Variants in UNC5A observed in about 807,000 individuals in gnomAD.
The protein encoded by UNC5A is unc-5 netrin receptor A.
UNC5A carries 20 observed loss-of-function variants against 87.4 expected under a neutral mutation model. The observed-to-expected ratio is 0.23, with a 90% confidence interval of 0.16 to 0.33. The LOEUF (loss-of-function observed/expected upper bound fraction) is 0.33. Among genes scored for constraint, UNC5A ranks in the 10% least tolerant of loss-of-function variants. UNC5A has a pLI of 1.00. For synonymous variants in UNC5A, 438 were observed against 482.3 expected (o/e 0.91, Z 1.20); for missense variants, 844 against 1,133.4 (o/e 0.74, Z 3.67).
rs905264267 is a variant in UNC5A, at chr5:176,844,488, G to A, written c.71-18136G>A. On this transcript the variant is annotated intron_variant, in intron 1 of 14. Coordinates refer to ENST00000329542, the MANE Select transcript of UNC5A (RefSeq NM_133369.3). The surrounding 1 kb of genome is among the most constrained non-coding windows in gnomAD (Gnocchi z 4.2). ...GGACACGGGATGATATGAGCTGGCCGTGGGCGCCCACTGCATACAGCAGGT... is the reference window on the plus strand; with the variant it reads ...GGACACGGGATGATATGAGCTGGCCATGGGCGCCCACTGCATACAGCAGGT... Among the ~76,000 whole-genome samples, 10 of 152,312 alleles carry A rather than the reference G, an allele frequency of 6.6e-5. No homozygotes were observed. Among genetic ancestry groups the A allele is most frequent in the Admixed American group, 2.0e-4 (3 of 15,306 alleles).
At chr5:176,812,117 G>T (rs1237310914) in intron 1 of UNC5A, among the ~76,000 whole-genome samples, 1 of 151,920 alleles carries the variant, frequency 6.6e-6, no homozygotes, top group African/African-American at 2.4e-5. Flanking sequence ...TTCTTCCCCA[G>T]GGCCTCTCCT....
chr5:176,860,568 G>A (rs1402231112), intron 1 of UNC5A, among the ~76,000 whole-genome samples: 1 of 152,176 alleles, frequency 6.6e-6, no homozygotes, highest in Non-Finnish European at 1.5e-5. Flanking sequence ...TACACTTGAT[G>A]AGCCCAGTGT....
chr5:176,835,728 G>GGTGTGTGTGTGT (rs1444755132), intron 1 of UNC5A, among the ~76,000 whole-genome samples: 31 of 63,588 alleles, frequency 4.9e-4, no homozygotes, highest in African/African-American at 1.4e-3. Context: ...TTTGATAAAG[G>GGTGTGTGTGTGT]ATGTGTGTGT....
chr5:176,825,934 A>G (rs1192705882), intron 1 of UNC5A, among the ~76,000 whole-genome samples: 1 of 152,210 alleles, frequency 6.6e-6, no homozygotes, highest in Non-Finnish European at 1.5e-5. Context: ...AGGGAGCTGG[A>G]AGCAGGGGCA....
intron 6 of UNC5A, among the ~76,000 whole-genome samples, chr5:176,871,839 CA>C (rs1343482584): frequency 2.5e-4 from 12 of 48,204 alleles, no homozygotes; most frequent in Non-Finnish European, 4.0e-4. Flanking sequence ...ACACTCGCCC[CA>C]ACACCACAGC....
chr5:176,834,657 G>A (rs1049815889), intron 1 of UNC5A, among the ~76,000 whole-genome samples: 12 of 93,078 alleles, frequency 1.3e-4, no homozygotes, highest in Middle Eastern at 8.5e-3. Flanking sequence ...AGGTTCCCAC[G>A]TCCCGTCTTC....
At chr5:176,870,264 C>T (rs1356365327) in intron 5 of UNC5A, 106 bp from the exon 6 acceptor site, 5 of 1,419,202 alleles carry the variant, frequency 3.5e-6, no homozygotes, top group Non-Finnish European at 4.8e-6. Context: ...ATCCAGGCTG[C>T]CTTGCACTGC....
intron 1 of UNC5A, among the ~76,000 whole-genome samples, chr5:176,816,710 G>A (rs923859605): frequency 3.3e-5 from 5 of 152,256 alleles, no homozygotes; most frequent in African/African-American, 1.2e-4. Context: ...CTAGGATTTT[G>A]TGCAGATTAG....
chr5:176,872,745 C>G (rs1412716102), intron 6 of UNC5A, among the ~76,000 whole-genome samples: 1 of 119,236 alleles, frequency 8.4e-6, no homozygotes, highest in Non-Finnish European at 1.8e-5. Context: ...TCACATCTGC[C>G]CACACTCACC....
intron 1 of UNC5A, among the ~76,000 whole-genome samples, chr5:176,839,829 T>TG (rs1757231922): frequency 1.4e-5 from 2 of 144,368 alleles, no homozygotes; most frequent in South Asian, 4.5e-4. Flanking sequence ...TTTTTTTTTT[T>TG]TTTTCTTGAC....
intron 1 of UNC5A, among the ~76,000 whole-genome samples, chr5:176,830,613 T>C (rs1387389121): frequency 4.3e-5 from 6 of 140,644 alleles, no homozygotes; most frequent in African/African-American, 1.3e-4. Context: ...GGTGTGTGTG[T>C]GCGCTGGCGT....
Position 176,810,784 on chromosome 5 carries a change from C to T in UNC5A, c.34C>T (p.Leu12=). 1 of 1,214,284 alleles carries T rather than the reference C, an allele frequency of 8.2e-7. No homozygotes were observed. The highest frequency in any genetic ancestry group is 1.0e-6 in the Non-Finnish European group (1 of 977,054). 75.2% of individuals were successfully genotyped at this position (1,214,284 alleles called of 1,614,324 possible). A position where few individuals can be genotyped will look rare whatever the true frequency, so the allele number is the denominator to read the frequency against. The change falls in exon 1 of 15, where the codon CTG becomes TTG. Residue 12 remains leucine, a synonymous_variant. Coordinates refer to ENST00000329542, the MANE Select transcript of UNC5A (RefSeq NM_133369.3). This position sits in a 1 kb window ranked among gnomAD's most constrained non-coding sequence, Gnocchi z 7.3. ...AVRPGLWPAL[L]GIVLAAWLRG... ...CCGGCCCGGCCTGTGGCCAGCGCTCCTGGGCATAGTCCTCGCCGCTTGGCT... is the reference window on the plus strand; with the variant it reads ...CCGGCCCGGCCTGTGGCCAGCGCTCTTGGGCATAGTCCTCGCCGCTTGGCT...
At chr5:176,845,537 C>T (rs1337735598) in intron 1 of UNC5A, among the ~76,000 whole-genome samples, 1 of 152,224 alleles carries the variant, frequency 6.6e-6, no homozygotes, top group Non-Finnish European at 1.5e-5. Context: ...CCCCACAGAC[C>T]CTCTGCAGCC....
intron 1 of UNC5A, among the ~76,000 whole-genome samples, chr5:176,861,501 A>G (rs1757838755): frequency 1.3e-5 from 2 of 152,156 alleles, no homozygotes; most frequent in African/African-American, 4.8e-5. Flanking sequence ...TCCCTGCGCA[A>G]GCAGGAGCGA....
chr5:176,819,995 G>A (rs1270958246), intron 1 of UNC5A, among the ~76,000 whole-genome samples: 1 of 152,260 alleles, frequency 6.6e-6, no homozygotes, highest in East Asian at 1.9e-4. Context: ...GGGCGCGGTG[G>A]CTCACGCCTA....
At chr5:176,867,071 C>G (rs553399709) in intron 2 of UNC5A, among the ~76,000 whole-genome samples, 1 of 152,314 alleles carries the variant, frequency 6.6e-6, no homozygotes, top group East Asian at 1.9e-4. Flanking sequence ...GGCGGCCGCT[C>G]TTCCCGCAAT....
At chr5:176,858,778 A>AGGAAGGAAGGAAG (rs1561659057) in intron 1 of UNC5A, among the ~76,000 whole-genome samples, 1 of 36,504 alleles carries the variant, frequency 2.7e-5, no homozygotes, top group Non-Finnish European at 6.8e-5. Flanking sequence ...AAGGAAGGCA[A>AGGAAGGAAGGAAG]GCAAGCAGGC....
intron 2 of UNC5A, 149 bp downstream of exon 2, chr5:176,862,994 G>A (rs1757880177): frequency 3.4e-6 from 3 of 881,508 alleles, no homozygotes; most frequent in Non-Finnish European, 5.3e-6. Flanking sequence ...TTGGGGAGAA[G>A]GAGGGGGAGA....
In UNC5A at chr5:176,874,029, G is replaced by C; in HGVS notation, c.948G>C (p.Leu316=). 6.2e-7 allele frequency: 1 copy of C among 1,614,046 alleles called. No homozygotes were observed. Among genetic ancestry groups the C allele is most frequent in the Non-Finnish European group, 8.5e-7 (1 of 1,179,970 alleles). ...GCCTCATCGCCGTGGCCGTCTGCCTGGTCCTGCTGCTGCTTGTCCTCATCC... is the reference window on the plus strand; with the variant it reads ...GCCTCATCGCCGTGGCCGTCTGCCTCGTCCTGCTGCTGCTTGTCCTCATCC... The part of the protein sequence containing the change: ...YVGLIAVAVC[L]VLLLLVLILV... Residue 316 remains leucine (L), a synonymous_variant, in exon 7 of 15, where the codon CTG becomes CTC. Coordinates refer to ENST00000329542, the MANE Select transcript of UNC5A (RefSeq NM_133369.3). This position sits in a 1 kb window ranked among gnomAD's most constrained non-coding sequence, Gnocchi z 7.6.
Sources: gnomAD v4.1 joint callset for allele counts (sites outside exome capture counted in the v4.1 genomes callset) on GRCh38, gnomAD v4.1.1 for gene constraint, Gnocchi (gnomAD v3.1) non-coding constraint, MANE v1.5 for transcripts, NCBI Gene and HGNC (gene_info 2026-07-23, HGNC 2026-07-21) for gene names.